PRKCA: variants seen among roughly 807,000 people sequenced by gnomAD.
PRKCA encodes the protein protein kinase C alpha.
A neutral mutation model predicts 87.0 loss-of-function variants in PRKCA; 27 were observed. That is an observed-to-expected ratio of 0.31 (90% CI 0.23 to 0.43). The LOEUF is 0.43. Among genes scored for constraint, PRKCA ranks in the 20% least tolerant of loss-of-function variants. PRKCA has a pLI of 1.00. For synonymous variants in PRKCA, 329 were observed against 311.1 expected (o/e 1.06, Z -0.61); for missense variants, 518 against 852.3 (o/e 0.61, Z 4.88).
Position 66,786,736 on chromosome 17 carries a change from G to A in PRKCA, c.1606-131G>A, listed in dbSNP as rs1975404577. ...TCAAATAAACCGTCAAGTTAGCTGA[G>A]CAAACTGTGCAGCCTGTGGTGGGGC... On this transcript the variant is annotated intron_variant, in intron 14 of 16. Transcript: ENST00000413366. 13 of 636,366 alleles carry A rather than the reference G, an allele frequency of 2.0e-5. No homozygotes were observed. The South Asian group carries it at 2.6e-4, about 13-fold the overall frequency. The allele number at this position is 636,366 out of a possible 1,614,324, so 39.4% of individuals were successfully genotyped here.
At chr17:66,655,187 C>T (rs1971702490) in intron 5 of PRKCA, among the ~76,000 whole-genome samples, 1 of 152,214 alleles carries the variant, frequency 6.6e-6, no homozygotes, top group African/African-American at 2.4e-5. Flanking sequence ...AATGCGTATG[C>T]TTTTGGGTCA....
rs373224684 is a variant in PRKCA at position 66,664,935 on chromosome 17, C to T, written c.529+19424C>T. Among the ~76,000 whole-genome samples the T allele has an allele frequency of 1.7e-4, 26 of 151,992 alleles. 1 individual carries two copies. The highest frequency in any genetic ancestry group is 1.9e-4 in the East Asian group (1 of 5,180). ...GATTACAGGTGTGAGCCACTGTGCC[C>T]GGCTCATTGCAGTTTTATATGCCAA... On this transcript the variant is annotated intron_variant, in intron 5 of 16. Coordinates refer to ENST00000413366, the MANE Select transcript of PRKCA (RefSeq NM_002737.3).
chr17:66,348,720 C>T (rs1907557603), intron 2 of PRKCA, among the ~76,000 whole-genome samples: 1 of 152,182 alleles, frequency 6.6e-6, no homozygotes, highest in African/African-American at 2.4e-5. Flanking sequence ...TGCATACTTT[C>T]AGCCTCTTAG....
chr17:66,306,328 A>T, intron 2 of PRKCA: 37 of 115,608 alleles, frequency 3.2e-4, no homozygotes, highest in South Asian at 5.4e-4. Flanking sequence ...TTCTCATTGG[A>T]AAAAAAAAAA....
In PRKCA at chr17:66,755,500, G is replaced by C. The variant is rs9912682; in HGVS notation, c.1524+12740G>C. ...CCCCACTGCCTGGCATTATTTGCGG[G>C]CGAGACACCACTGGTGAAGTGTTTG... On this transcript the variant is annotated intron_variant, in intron 13 of 16. Coordinates refer to ENST00000413366, the MANE Select transcript of PRKCA (RefSeq NM_002737.3). Among the ~76,000 whole-genome samples the C allele has an allele frequency of 5.9e-3, 902 of 152,276 alleles. 14 individuals carry two copies. The highest frequency in any genetic ancestry group is 0.021 in the African/African-American group (859 of 41,560).
intron 3 of PRKCA, among the ~76,000 whole-genome samples, chr17:66,499,645 G>A (rs1274665526): frequency 6.6e-6 from 1 of 152,122 alleles, no homozygotes; most frequent in East Asian, 1.9e-4. Flanking sequence ...TGCTTGGTGC[G>A]AAATATAACG....
intron 16 of PRKCA, among the ~76,000 whole-genome samples, chr17:66,795,140 G>A (rs545101583): frequency 4.6e-5 from 7 of 152,202 alleles, no homozygotes; most frequent in African/African-American, 1.4e-4. Context: ...CTGAACATAA[G>A]GACATCTCCT....
intron 2 of PRKCA, among the ~76,000 whole-genome samples, chr17:66,483,079 G>C (rs961692491): frequency 2.6e-5 from 4 of 152,206 alleles, no homozygotes; most frequent in Non-Finnish European, 4.4e-5. Context: ...GGGGAAGAAT[G>C]CCTTGAATCC....
intron 13 of PRKCA, among the ~76,000 whole-genome samples, chr17:66,756,362 C>A (rs1408940091): frequency 6.6e-6 from 1 of 151,938 alleles, no homozygotes; most frequent in Non-Finnish European, 1.5e-5. Flanking sequence ...GGGGGGAGAC[C>A]AAGAAGCACT....
At chr17:66,660,640 A>G (rs1971869042) in intron 5 of PRKCA, among the ~76,000 whole-genome samples, 1 of 152,162 alleles carries the variant, frequency 6.6e-6, no homozygotes, top group Non-Finnish European at 1.5e-5. Context: ...CTGTAATCCC[A>G]GCACTTTGGG....
intron 3 of PRKCA, among the ~76,000 whole-genome samples, chr17:66,633,427 G>A (rs1398149263): frequency 6.6e-6 from 1 of 152,050 alleles, no homozygotes; most frequent in Non-Finnish European, 1.5e-5. Context: ...TCAGCATGTG[G>A]GTGACATTTA....
At chr17:66,420,419 C>T (rs775371021) in intron 2 of PRKCA, among the ~76,000 whole-genome samples, 4 of 152,148 alleles carry the variant, frequency 2.6e-5, no homozygotes, top group South Asian at 2.1e-4. Flanking sequence ...TAAGATTTTT[C>T]AACTTCATGA....
intron 2 of PRKCA, among the ~76,000 whole-genome samples, chr17:66,314,734 G>C (rs180915083): frequency 6.6e-5 from 10 of 152,272 alleles, no homozygotes; most frequent in African/African-American, 2.4e-4. Context: ...GGGTCAATGA[G>C]GGTCCAGTTA....
chr17:66,787,183 C>G, intron 15 of PRKCA: 1 of 753,494 alleles, frequency 1.3e-6, no homozygotes, highest in Non-Finnish European at 2.5e-6. Flanking sequence ...CTGTTTTGAA[C>G]TCTGCACAAA....
rs184133131 is a variant in PRKCA, at chr17:66,324,029, G to A, written c.205+17902G>A. On this transcript the variant is annotated intron_variant, in intron 2 of 16. Coordinates refer to ENST00000413366, the MANE Select transcript of PRKCA (RefSeq NM_002737.3). ...GTACATACCATCTTTTTTTTTTCCTGGTCTTTTAATTTCCAACACAAGATT... is the reference window on the plus strand; with the variant it reads ...GTACATACCATCTTTTTTTTTTCCTAGTCTTTTAATTTCCAACACAAGATT... Among the ~76,000 whole-genome samples the A allele has an allele frequency of 4.7e-3, 707 of 150,908 alleles. 2 individuals carry two copies. The highest frequency in any genetic ancestry group is 5.4e-3 in the Non-Finnish European group (368 of 67,702).
At position 66,412,371 on chromosome 17, in the gene PRKCA, C is replaced by CTATT. The variant is rs578026802; in HGVS notation, c.206-83819_206-83816dup. On this transcript the variant is annotated intron_variant, in intron 2 of 16. Coordinates refer to ENST00000413366, the MANE Select transcript of PRKCA (RefSeq NM_002737.3). ...TGCACCTGGCCTATTTTTAAAATTT[C>CTATT]TATTTATTTATTTACTTTTGCACTT... 3.3e-5 allele frequency among the ~76,000 whole-genome samples: 5 copies of CTATT among 152,214 alleles called. No individual in the cohort carries two copies. The East Asian group carries it at 9.7e-4, about 29-fold the overall frequency.
chr17:66,352,558 G>GTTTTTTTTTTTTTTTT (rs56317931), intron 2 of PRKCA, among the ~76,000 whole-genome samples: 2 of 83,758 alleles, frequency 2.4e-5, no homozygotes, highest in Non-Finnish European at 4.2e-5. Context: ...GTTTTTTGAG[G>GTTTTTTTTTTTTTTTT]TTTTTTTTTT....
intron 2 of PRKCA, among the ~76,000 whole-genome samples, chr17:66,479,769 C>T (rs1416702125): frequency 6.6e-6 from 1 of 152,142 alleles, no homozygotes; most frequent in East Asian, 1.9e-4. Flanking sequence ...AAACCAAATA[C>T]TGCACGTTCT....
At chr17:66,527,968 C>T (rs371010694) in intron 3 of PRKCA, among the ~76,000 whole-genome samples, 6 of 152,172 alleles carry the variant, frequency 3.9e-5, no homozygotes, top group East Asian at 1.9e-4. Flanking sequence ...GAGGTCAAGG[C>T]GGGCGGATCA....
Sources: gnomAD v4.1 joint callset for allele counts (sites outside exome capture counted in the v4.1 genomes callset) on GRCh38, gnomAD v4.1.1 for gene constraint, MANE v1.5 for transcripts, NCBI Gene and HGNC (gene_info 2026-07-23, HGNC 2026-07-21) for gene names.